Variants in ESYT2 observed in about 807,000 individuals in gnomAD.
ESYT2 encodes the protein extended synaptotagmin-2.
A neutral mutation model predicts 107.2 loss-of-function variants in ESYT2; 54 were observed. The observed-to-expected ratio is 0.50, with a 90% confidence interval of 0.40 to 0.63. The LOEUF (loss-of-function observed/expected upper bound fraction) is 0.63. Among genes scored for constraint, ESYT2 ranks in the 30% least tolerant of loss-of-function variants. The pLI is 0.00. For missense variants in ESYT2, 1,020 were observed against 1,094.5 expected, an observed-to-expected ratio of 0.93 and a Z score of 0.96; for synonymous variants, 491 against 434.1, an observed-to-expected ratio of 1.13 and a Z score of -1.63.
chr7:158,827,295 G>GATAACATTGCTATGTTATCAAT (rs1840485853), intron 1 of ESYT2, among the ~76,000 whole-genome samples: 1 of 152,030 alleles, frequency 6.6e-6, no homozygotes, highest in Non-Finnish European at 1.5e-5. Flanking sequence ...TTTCAGCACT[G>GATAACATTGCTATGTTATCAAT]ATAACATTGC....
intron 22 of ESYT2, 72 bp downstream of exon 22, chr7:158,734,350 C>T (rs1161942432): frequency 1.2e-6 from 2 of 1,608,132 alleles, no homozygotes; most frequent in Non-Finnish European, 8.5e-7. Context: ...CTGTGGGGGA[C>T]ACTACCCACT....
chr7:158,800,011 T>C (rs1839584748), intron 1 of ESYT2, among the ~76,000 whole-genome samples: 1 of 152,172 alleles, frequency 6.6e-6, no homozygotes, highest in Non-Finnish European at 1.5e-5. Flanking sequence ...TCTATACACA[T>C]TTGCATATGC....
At chr7:158,803,070 A>G (rs1389496994) in intron 1 of ESYT2, among the ~76,000 whole-genome samples, 1 of 152,248 alleles carries the variant, frequency 6.6e-6, no homozygotes, top group Non-Finnish European at 1.5e-5. Context: ...CCACAACTAA[A>G]GGGGAAGGAA....
At chr7:158,809,600 T>TA (rs1429720030) in intron 1 of ESYT2, among the ~76,000 whole-genome samples, 2 of 151,946 alleles carry the variant, frequency 1.3e-5, no homozygotes, top group African/African-American at 4.8e-5. Flanking sequence ...CATTATGAGT[T>TA]AGAGAAATAC....
intron 1 of ESYT2, among the ~76,000 whole-genome samples, chr7:158,801,970 C>T (rs374194914): frequency 5.7e-4 from 86 of 151,436 alleles, no homozygotes; most frequent in African/African-American, 2.0e-3. Context: ...TTAGTGGCTC[C>T]ATCTAACAGA....
At position 158,739,008 on chromosome 7, in the gene ESYT2, GACCCCAGCCCCC is replaced by G; in HGVS notation, c.2267+3_2267+14del. On this transcript the variant is annotated splice_donor_5th_base_variant and intron_variant, in intron 19 of 22. Coordinates refer to ENST00000275418, the MANE Select transcript of ESYT2 (RefSeq NM_001367773.1). ...CAGCAGCACAGCAGCGGGCGCGTGG[GACCCCAGCCCCC>G]ACCTGCAGGCATGCACGACCACGAT... is the stretch of plus-strand genomic sequence containing the variant. The G allele has an allele frequency of 6.2e-7, 1 of 1,613,246 alleles. No individual in the cohort carries two copies. Among genetic ancestry groups the G allele is most frequent in the Non-Finnish European group, 8.5e-7 (1 of 1,179,396 alleles).
In ESYT2 at chr7:158,829,344, G is replaced by A. The variant is rs1178945931; in HGVS notation, c.75C>T (p.Pro25=). ...GCAGCTCCACGCTCAGCACGCCCCC[G>A]GGGTTCTCAGGCGCCGCGCGGCCCC... ...GAGGRAAPEN[P]GGVLSVELPG... is the part of the protein sequence containing the mutation. Residue 25 remains proline, a synonymous_variant, in exon 1 of 23, where the codon CCC becomes CCT. Transcript: ENST00000275418. 2.5e-5 allele frequency: 36 copies of A among 1,423,278 alleles called. No homozygotes were observed. The highest frequency in any genetic ancestry group is 5.0e-4 in the Middle Eastern group (2 of 4,020). 88.2% of individuals were successfully genotyped at this position (1,423,278 alleles called of 1,614,324 possible).
chr7:158,790,593 A>G (rs1839256693), intron 4 of ESYT2, among the ~76,000 whole-genome samples: 1 of 152,190 alleles, frequency 6.6e-6, no homozygotes, highest in Non-Finnish European at 1.5e-5. Context: ...GCAGATCTTC[A>G]ATTTCTGTTT....
At position 158,741,551 on chromosome 7, in the gene ESYT2, G is replaced by A; in HGVS notation, c.2140C>T (p.Leu714=). 6.3e-7 allele frequency: 1 copy of A among 1,597,926 alleles called. No individual in the cohort carries two copies. Among genetic ancestry groups the A allele is most frequent in the Non-Finnish European group, 8.5e-7 (1 of 1,176,638 alleles). ...DISLPIATQE[L]RQRLRQLENG... is the part of the protein sequence containing the mutation. Reference sequence around the variant, plus strand: ...TCCAGCTGCCTCAGCCTTTGCCGCAGCTCCTGGGTGGCGATGGGCAGCGAG... The same window carrying A: ...TCCAGCTGCCTCAGCCTTTGCCGCAACTCCTGGGTGGCGATGGGCAGCGAG... Residue 714 remains leucine, a synonymous_variant, in exon 18 of 23, where the codon CTG becomes TTG. Coordinates refer to ENST00000275418, the MANE Select transcript of ESYT2 (RefSeq NM_001367773.1).
intron 6 of ESYT2, among the ~76,000 whole-genome samples, chr7:158,784,232 C>T (rs1386383367): frequency 6.6e-6 from 1 of 152,232 alleles, no homozygotes; most frequent in Non-Finnish European, 1.5e-5. Flanking sequence ...ATAAATACTG[C>T]AAAAACTCCC....
At chr7:158,809,510 A>AG (rs1246298724) in intron 1 of ESYT2, among the ~76,000 whole-genome samples, 1 of 137,092 alleles carries the variant, frequency 7.3e-6, no homozygotes, top group Non-Finnish European at 1.6e-5. Flanking sequence ...AGGGGGGATG[A>AG]GGGGGGCAAA....
intron 16 of ESYT2, 165 bp from the exon 17 acceptor site, chr7:158,743,843 G>A: frequency 1.5e-6 from 1 of 683,506 alleles, no homozygotes; most frequent in Non-Finnish European, 2.2e-6. Flanking sequence ...CACTTTGGGA[G>A]GCTCAGATCA....
At chr7:158,761,444 G>A in intron 11 of ESYT2, 52 bp downstream of exon 11, 1 of 1,562,218 alleles carries the variant, frequency 6.4e-7, no homozygotes, top group Non-Finnish European at 8.8e-7. Context: ...CTGGCACAGG[G>A]CAGGGACTCA....
intron 3 of ESYT2, among the ~76,000 whole-genome samples, chr7:158,794,241 T>A (rs1330565198): frequency 2.6e-5 from 4 of 152,208 alleles, no homozygotes; most frequent in African/African-American, 9.6e-5. Flanking sequence ...GGTCTGTAAT[T>A]CCAACACTTT....
chr7:158,762,306 A>C (rs1397117666), intron 10 of ESYT2, among the ~76,000 whole-genome samples: 1 of 152,062 alleles, frequency 6.6e-6, no homozygotes, highest in Non-Finnish European at 1.5e-5. Flanking sequence ...TCAGCCCCCG[A>C]CAATCCAATC....
At chr7:158,739,703 C>T (rs1837123387) in intron 18 of ESYT2, among the ~76,000 whole-genome samples, 1 of 152,138 alleles carries the variant, frequency 6.6e-6, no homozygotes, top group East Asian at 1.9e-4. Flanking sequence ...CCTAAGCCCC[C>T]ACCCCACTCC....
At chr7:158,828,261 C>A (rs1840512903) in intron 1 of ESYT2, among the ~76,000 whole-genome samples, 1 of 152,250 alleles carries the variant, frequency 6.6e-6, no homozygotes, top group Non-Finnish European at 1.5e-5. Flanking sequence ...TTCTCCCCCA[C>A]CAGCTGTCAT....
intron 3 of ESYT2, among the ~76,000 whole-genome samples, 173 bp from the exon 4 acceptor site, chr7:158,793,899 C>T (rs757142521): frequency 4.6e-5 from 7 of 152,300 alleles, no homozygotes; most frequent in Non-Finnish European, 8.8e-5. Flanking sequence ...AACACCTGTT[C>T]CTCACCTTCC....
rs189791801 is a variant in ESYT2 at position 158,828,871 on chromosome 7, C to G, written c.330+218G>C. On this transcript the variant is annotated intron_variant, in intron 1 of 22. Coordinates refer to ENST00000275418, the MANE Select transcript of ESYT2 (RefSeq NM_001367773.1). ...ACCTAGGTTGGCAGGTCGCAGGAAC[C>G]GGCCCGGGGGCCGGGGCTGGGGTCT... Among the ~76,000 whole-genome samples the G allele has an allele frequency of 3.7e-3, 534 of 143,898 alleles. 2 individuals carry two copies. The highest frequency in any genetic ancestry group is 0.013 in the African/African-American group (509 of 38,944). 94.4% of individuals were successfully genotyped at this position (143,898 alleles called of 152,430 possible). A position where few individuals can be genotyped will look rare whatever the true frequency, so the allele number is the denominator to read the frequency against.
Sources: allele counts gnomAD v4.1 joint callset (sites outside exome capture counted in the v4.1 genomes callset), GRCh38; gene constraint gnomAD v4.1.1; transcripts MANE v1.5; gene names NCBI Gene and HGNC (gene_info 2026-07-23, HGNC 2026-07-21).